Variants in PDE3B observed in about 807,000 individuals in gnomAD.
PDE3B encodes cGMP-inhibited 3',5'-cyclic phosphodiesterase 3B.
In PDE3B, 66 loss-of-function variants were observed where a neutral mutation model predicts 116.8. The ratio of observed to expected loss-of-function variants is 0.56; its 90% CI spans 0.46 to 0.69. PDE3B has a LOEUF of 0.69. PDE3B is among the 30% of genes least tolerant of loss of function. PDE3B has a pLI of 0.00. For synonymous variants in PDE3B, 595 were observed against 533.6 expected, an observed-to-expected ratio of 1.12 and a Z score of -1.59; for missense variants, 1,384 against 1,368.1, an observed-to-expected ratio of 1.01 and a Z score of -0.18.
intron 1 of PDE3B, among the ~76,000 whole-genome samples, chr11:14,687,908 T>C (rs1222796225): frequency 2.0e-5 from 3 of 152,148 alleles, no homozygotes; most frequent in African/African-American, 7.2e-5. Context: ...ATTTCTTTTT[T>C]TGAATAATCA....
chr11:14,667,869 T>G (rs1222715631), intron 1 of PDE3B, among the ~76,000 whole-genome samples: 1 of 151,540 alleles, frequency 6.6e-6, no homozygotes, highest in Non-Finnish European at 1.5e-5. Context: ...TAAAAGAATT[T>G]TTGTCTGTTT....
At chr11:14,665,949 A>G (rs1397064448) in intron 1 of PDE3B, among the ~76,000 whole-genome samples, 4 of 152,188 alleles carry the variant, frequency 2.6e-5, no homozygotes. Flanking sequence ...GTTCATATGG[A>G]ATGAAAAAAG....
intron 1 of PDE3B, among the ~76,000 whole-genome samples, chr11:14,751,938 C>T (rs1216457882): frequency 2.0e-5 from 3 of 152,012 alleles, no homozygotes; most frequent in African/African-American, 7.3e-5. Context: ...AATCCTGGGA[C>T]AGAAAGTGGA....
intron 1 of PDE3B, among the ~76,000 whole-genome samples, chr11:14,766,539 T>C (rs1479510984): frequency 1.3e-5 from 2 of 151,732 alleles, no homozygotes; most frequent in Non-Finnish European, 3.0e-5. Flanking sequence ...GCTCAGTTTT[T>C]CCAAAGCACA....
Position 14,693,538 on chromosome 11 carries a change from T to C in PDE3B, c.978+48485T>C, listed in dbSNP as rs992650298. 5.3e-5 allele frequency among the ~76,000 whole-genome samples: 8 copies of C among 152,176 alleles called. No homozygotes were observed. The East Asian group carries it at 9.6e-4, about 18-fold the overall frequency. On this transcript the variant is annotated intron_variant, in intron 1 of 15. Transcript: ENST00000282096. ...AAAATCCTAGGGCCCTTAAGAATTA[T>C]GGTAAATCTACTCTACTTGAGCCCT...
At chr11:14,738,714 C>T (rs1301376899) in intron 1 of PDE3B, among the ~76,000 whole-genome samples, 1 of 152,136 alleles carries the variant, frequency 6.6e-6, no homozygotes, top group East Asian at 1.9e-4. Context: ...AGGTTTTCTT[C>T]TAGGGTTTTT....
At chr11:14,673,908 T>G in intron 1 of PDE3B, 1 of 1,440,490 alleles carries the variant, frequency 6.9e-7, no homozygotes, top group Non-Finnish European at 9.8e-7. Flanking sequence ...TGCCACAACT[T>G]CATTAACCGC....
chr11:14,884,497 A>G, the PDE3B span, among the ~76,000 whole-genome samples: 1 of 135,204 alleles, frequency 7.4e-6, no homozygotes, highest in African/African-American at 2.8e-5. Context: ...ACACATGGAC[A>G]CAGGAAGGGG....
chr11:14,704,782 C>T (rs566438800), intron 1 of PDE3B, among the ~76,000 whole-genome samples: 82 of 151,440 alleles, frequency 5.4e-4, no homozygotes, highest in African/African-American at 1.8e-3. Context: ...AAATTTAAAA[C>T]TAAAAAAAGC....
chr11:14,774,004 T>C (rs1857717501), intron 2 of PDE3B: 1 of 152,234 alleles, frequency 6.6e-6, no homozygotes, highest in Admixed American at 6.5e-5. Context: ...ATCTCTACTC[T>C]GTTTTCTGGC....
intron 1 of PDE3B, among the ~76,000 whole-genome samples, chr11:14,725,936 A>G (rs190047558): frequency 1.3e-5 from 2 of 152,202 alleles, no homozygotes; most frequent in Admixed American, 6.5e-5. Context: ...TACCATGGCA[A>G]TAATGCTCTA....
At chr11:14,805,494 A>G (rs997399869) in intron 5 of PDE3B, among the ~76,000 whole-genome samples, 7 of 152,252 alleles carry the variant, frequency 4.6e-5, no homozygotes, top group Non-Finnish European at 1.0e-4. Context: ...TTTGATTGTC[A>G]TAATCATTTC....
At chr11:14,667,513 A>G (rs1256563724) in intron 1 of PDE3B, among the ~76,000 whole-genome samples, 2 of 151,832 alleles carry the variant, frequency 1.3e-5, no homozygotes, top group African/African-American at 4.8e-5. Context: ...CAGCCATAAA[A>G]AAGGATGAGT....
At chr11:14,788,168 C>T (rs1041737122) in intron 3 of PDE3B, among the ~76,000 whole-genome samples, 2 of 151,730 alleles carry the variant, frequency 1.3e-5, no homozygotes, top group African/African-American at 2.4e-5. Flanking sequence ...AACTCTATAT[C>T]GAATTTGTCT....
intron 1 of PDE3B, among the ~76,000 whole-genome samples, chr11:14,659,372 C>CT (rs1853817475): frequency 6.6e-6 from 1 of 152,152 alleles, no homozygotes. Flanking sequence ...ATTTTCAGTG[C>CT]TTAGACTGCA....
At chr11:14,716,192 G>A (rs1016002101) in intron 1 of PDE3B, among the ~76,000 whole-genome samples, 33 of 152,284 alleles carry the variant, frequency 2.2e-4, no homozygotes, top group Middle Eastern at 6.8e-3. Context: ...ACTCCCACCC[G>A]AATACTGCGC....
At chr11:14,688,656 A>G (rs914247455) in intron 1 of PDE3B, among the ~76,000 whole-genome samples, 3 of 152,170 alleles carry the variant, frequency 2.0e-5, no homozygotes, top group Admixed American at 2.0e-4. Flanking sequence ...GCACTCAGCC[A>G]TTCACTTTTT....
chr11:14,725,774 C>G (rs2050267379), intron 1 of PDE3B, among the ~76,000 whole-genome samples: 2 of 151,258 alleles, frequency 1.3e-5, no homozygotes, highest in South Asian at 4.2e-4. Context: ...TTTCTCTTGC[C>G]TAGACTATTG....
At chr11:14,663,687 G>C (rs910218790) in intron 1 of PDE3B, among the ~76,000 whole-genome samples, 4 of 151,946 alleles carry the variant, frequency 2.6e-5, no homozygotes, top group Admixed American at 2.6e-4. Flanking sequence ...CATTACATAA[G>C]GGTAAAGGGA....
Sources: gnomAD v4.1 joint callset for allele counts (sites outside exome capture counted in the v4.1 genomes callset) on GRCh38, gnomAD v4.1.1 for gene constraint, MANE v1.5 for transcripts, NCBI Gene and HGNC (gene_info 2026-07-23, HGNC 2026-07-21) for gene names.